Variants in CD300A observed in about 807,000 individuals in gnomAD.
CD300A encodes the protein CMRF35-like molecule 8.
In CD300A, 22 loss-of-function variants were observed where a neutral mutation model predicts 33.6. The ratio of observed to expected loss-of-function variants is 0.66; its 90% CI spans 0.47 to 0.94. The LOEUF is 0.94. Ranked by LOEUF, CD300A falls within the 40% of genes least tolerant of loss-of-function variation. CD300A has a pLI of 0.00. For synonymous variants in CD300A, 136 were observed against 148.1 expected, an observed-to-expected ratio of 0.92 and a Z score of 0.59; for missense variants, 326 against 360.5, an observed-to-expected ratio of 0.90 and a Z score of 0.77.
At chr17:74,471,154 C>T (rs1281728530) in intron 1 of CD300A, among the ~76,000 whole-genome samples, 1 of 152,166 alleles carries the variant, frequency 6.6e-6, no homozygotes, top group Non-Finnish European at 1.5e-5. Flanking sequence ...CACTATGTTG[C>T]CCAGGCTCCA....
intron 6 of CD300A, among the ~76,000 whole-genome samples, 182 bp from the exon 7 acceptor site, chr17:74,483,819 C>T (rs1907077426): frequency 6.6e-6 from 1 of 152,166 alleles, no homozygotes; most frequent in Admixed American, 6.5e-5. Flanking sequence ...CTGCTGCTTG[C>T]CCAGTTGGGG....
At chr17:74,478,805 G>A (rs1906647158) in intron 4 of CD300A, among the ~76,000 whole-genome samples, 1 of 152,204 alleles carries the variant, frequency 6.6e-6, no homozygotes, top group Non-Finnish European at 1.5e-5. Context: ...TATCCCCAGT[G>A]CCTCCTGTGG....
intron 1 of CD300A, chr17:74,467,100 C>A: frequency 3.8e-6 from 3 of 799,542 alleles, no homozygotes; most frequent in Non-Finnish European, 4.7e-6. Context: ...CCACTGACTG[C>A]GAGGGGCATG....
At position 74,479,236 on chromosome 17, in the gene CD300A, C is replaced by CT. The variant is rs951713234; in HGVS notation, c.628+1715dup. Among the ~76,000 whole-genome samples, 17 of 151,090 alleles carry CT rather than the reference C, an allele frequency of 1.1e-4. No homozygotes were observed. In the East Asian group the frequency reaches 1.6e-3, roughly 14 times the overall value. ...GCCTATGTAAATGCATCTATGATTT[C>CT]TTTTTTTTTCTCTTTTTTGAGACAG... On this transcript the variant is annotated intron_variant, in intron 4 of 6. Transcript: ENST00000360141.
chr17:74,483,786 C>A (rs1241137906), intron 6 of CD300A, among the ~76,000 whole-genome samples: 2 of 152,184 alleles, frequency 1.3e-5, no homozygotes, highest in Non-Finnish European at 2.9e-5. Flanking sequence ...GAGCCTCCTG[C>A]CTCTGATGCT....
chr17:74,471,502 A>T (rs1035517366), intron 1 of CD300A, among the ~76,000 whole-genome samples: 5 of 152,206 alleles, frequency 3.3e-5, no homozygotes, highest in Non-Finnish European at 5.9e-5. Flanking sequence ...AGTCAGGGAC[A>T]ATTGTCACCA....
intron 1 of CD300A, among the ~76,000 whole-genome samples, chr17:74,471,583 A>G (rs1410118146): frequency 6.6e-6 from 1 of 152,194 alleles, no homozygotes; most frequent in Non-Finnish European, 1.5e-5. Flanking sequence ...CTGATACGTA[A>G]TAGGGTAGAG....
Position 74,480,513 on chromosome 17 carries a change from T to C in CD300A, c.629-776T>C, listed in dbSNP as rs1315685942. On this transcript the variant is annotated intron_variant, in intron 4 of 6. Transcript: ENST00000360141. The surrounding 1 kb of genome is among the most constrained non-coding windows in gnomAD (Gnocchi z 4.2). Reference sequence around the variant, plus strand: ...GCGTCCCTGGGGCTGACAGGCCTCCTTCCCTACGGCCTGGGGCAGCAGGCA... The same window carrying C: ...GCGTCCCTGGGGCTGACAGGCCTCCCTCCCTACGGCCTGGGGCAGCAGGCA... Among the ~76,000 whole-genome samples the C allele has an allele frequency of 6.6e-6, 1 of 152,160 alleles. No homozygotes were observed. Among genetic ancestry groups the C allele is most frequent in the Non-Finnish European group, 1.5e-5 (1 of 68,020 alleles).
At chr17:74,469,640 C>A (rs1905958969) in intron 1 of CD300A, among the ~76,000 whole-genome samples, 1 of 152,172 alleles carries the variant, frequency 6.6e-6, no homozygotes, top group African/African-American at 2.4e-5. Flanking sequence ...GCCTGGCCAA[C>A]ATGGTGAAAC....
At chr17:74,469,362 T>C (rs567188876) in intron 1 of CD300A, among the ~76,000 whole-genome samples, 2 of 143,874 alleles carry the variant, frequency 1.4e-5, no homozygotes, top group African/African-American at 5.1e-5. Context: ...CCCCGTCTCT[T>C]AAAAAAAAAA....
intron 1 of CD300A, among the ~76,000 whole-genome samples, chr17:74,468,397 A>G (rs983426968): frequency 6.6e-6 from 1 of 152,062 alleles, no homozygotes; most frequent in African/African-American, 2.4e-5. Flanking sequence ...CGGTGGTGCA[A>G]TCACGGTTCA....
In CD300A at chr17:74,484,501, G is replaced by T. The variant is rs1263933102; in HGVS notation, c.*375G>T. The T allele has an allele frequency of 5.9e-6, 1 of 169,968 alleles. No individual in the cohort carries two copies. The highest frequency in any genetic ancestry group is 1.3e-5 in the Non-Finnish European group (1 of 78,348). The allele number at this position is 169,968 out of a possible 1,614,324, so 10.5% of individuals were successfully genotyped here. ...TAGCTTTGTCAATCACAGCCCCATAGGAACGTCTGGAATTGCTTGGGAGTT... is the reference window on the plus strand; with the variant it reads ...TAGCTTTGTCAATCACAGCCCCATATGAACGTCTGGAATTGCTTGGGAGTT... On this transcript the variant is annotated 3_prime_UTR_variant, in exon 7 of 7. Transcript: ENST00000360141.
At chr17:74,478,412 A>C (rs578042838) in intron 4 of CD300A, among the ~76,000 whole-genome samples, 1 of 152,340 alleles carries the variant, frequency 6.6e-6, no homozygotes, top group East Asian at 1.9e-4. Flanking sequence ...CGGGCACCCC[A>C]GGGGCCTCCA....
In CD300A at chr17:74,466,724, G is replaced by T. The variant is rs1905731807; in HGVS notation, c.21G>T (p.Leu7=). 1 of 1,596,596 alleles carries T rather than the reference G, an allele frequency of 6.3e-7. No individual in the cohort carries two copies. Among genetic ancestry groups the T allele is most frequent in the South Asian group, 1.1e-5 (1 of 88,004 alleles). MWLPWA[L]LLLWVPGCFA... is the part of the protein sequence containing the mutation. Reference sequence around the variant, plus strand: ...GGACCATGTGGCTGCCTTGGGCTCTGTTGCTTCTCTGGGTCCCAGGTGAGA... The same window carrying T: ...GGACCATGTGGCTGCCTTGGGCTCTTTTGCTTCTCTGGGTCCCAGGTGAGA... Residue 7 remains leucine (L), a synonymous_variant, in exon 1 of 7, where the codon CTG becomes CTT. Coordinates refer to ENST00000360141, the MANE Select transcript of CD300A (RefSeq NM_007261.4).
chr17:74,479,506 G>C (rs1906696206), intron 4 of CD300A, among the ~76,000 whole-genome samples: 1 of 152,062 alleles, frequency 6.6e-6, no homozygotes, highest in Non-Finnish European at 1.5e-5. Context: ...TGGGATTACA[G>C]ATGTGAGCCA....
intron 1 of CD300A, chr17:74,466,968 A>G: frequency 7.1e-7 from 1 of 1,411,482 alleles, no homozygotes; most frequent in Non-Finnish European, 9.2e-7. Context: ...ACCTTGGCTG[A>G]ACCACAGCGG....
At chr17:74,474,474 G>C in intron 2 of CD300A, 58 bp from the exon 3 acceptor site, 2 of 1,578,940 alleles carry the variant, frequency 1.3e-6, no homozygotes, top group Non-Finnish European at 1.7e-6. Flanking sequence ...AAGGCATCCT[G>C]AGTGGTGGGA....
chr17:74,470,765 C>T (rs1256190237), intron 1 of CD300A, among the ~76,000 whole-genome samples: 1 of 152,074 alleles, frequency 6.6e-6, no homozygotes, highest in African/African-American at 2.4e-5. Context: ...CCTCCCGCCT[C>T]AGCCTCCTGA....
intron 3 of CD300A, among the ~76,000 whole-genome samples, chr17:74,476,370 C>A (rs1264920233): frequency 6.6e-6 from 1 of 152,188 alleles, no homozygotes; most frequent in African/African-American, 2.4e-5. Flanking sequence ...CATCCATAAA[C>A]CCCTCCACAG....
Sources: allele counts gnomAD v4.1 joint callset (sites outside exome capture counted in the v4.1 genomes callset), GRCh38; gene constraint gnomAD v4.1.1; non-coding constraint Gnocchi (gnomAD v3.1); transcripts MANE v1.5; gene names NCBI Gene and HGNC (gene_info 2026-07-23, HGNC 2026-07-21).